Variants in C8orf34 observed in about 807,000 individuals in gnomAD.
C8orf34 encodes the protein uncharacterized protein C8orf34.
Under a neutral mutation model 68.3 loss-of-function variants are expected in C8orf34, and 65 were observed. The observed-to-expected ratio is 0.95, with a 90% confidence interval of 0.78 to 1.17. The LOEUF (loss-of-function observed/expected upper bound fraction) is 1.17, where lower values mean the gene tolerates loss of function less well. Ranked by LOEUF, C8orf34 falls within the 50% of genes most tolerant of loss-of-function variation. The pLI is 0.00. For synonymous variants in C8orf34, 244 were observed against 241.2 expected, an observed-to-expected ratio of 1.01 and a Z score of -0.11; for missense variants, 664 against 655.4, an observed-to-expected ratio of 1.01 and a Z score of -0.14.
chr8:68,544,477 C>A (rs960117728), intron 7 of C8orf34, among the ~76,000 whole-genome samples: 4 of 152,092 alleles, frequency 2.6e-5, no homozygotes, highest in Admixed American at 1.3e-4. Context: ...TAATTCCTGA[C>A]AGAACAAAAC....
intron 7 of C8orf34, among the ~76,000 whole-genome samples, chr8:68,571,085 A>G (rs1223453664): frequency 6.6e-6 from 1 of 152,154 alleles, no homozygotes; most frequent in Non-Finnish European, 1.5e-5. Flanking sequence ...GGAGGAGAGT[A>G]GGACCCTGGA....
chr8:68,399,805 A>C (rs933657898), intron 1 of C8orf34, among the ~76,000 whole-genome samples: 3 of 152,154 alleles, frequency 2.0e-5, no homozygotes, highest in African/African-American at 7.2e-5. Flanking sequence ...TTTTCTCTGC[A>C]TCCTCACCAA....
intron 1 of C8orf34, among the ~76,000 whole-genome samples, chr8:68,424,651 A>G (rs1042612247): frequency 1.3e-5 from 2 of 152,228 alleles, no homozygotes; most frequent in African/African-American, 2.4e-5. Context: ...CTGTAATCCC[A>G]GCACTCTGGG....
intron 10 of C8orf34, among the ~76,000 whole-genome samples, chr8:68,768,305 C>T (rs1823239244): frequency 6.6e-6 from 1 of 152,136 alleles, no homozygotes; most frequent in Non-Finnish European, 1.5e-5. Context: ...ATGGAATCAG[C>T]CGTGTTTTGA....
chr8:68,463,884 G>A (rs1487080622), intron 3 of C8orf34, among the ~76,000 whole-genome samples: 1 of 152,160 alleles, frequency 6.6e-6, no homozygotes, highest in Non-Finnish European at 1.5e-5. Context: ...ACTGGCACAA[G>A]ACAGGGATGC....
rs570678941 is a variant in C8orf34 at position 68,721,467 on chromosome 8, A to C, written c.1404+30A>C. 13 of 1,417,122 alleles carry C rather than the reference A, an allele frequency of 9.2e-6. No individual in the cohort carries two copies. In the South Asian group the frequency reaches 1.6e-4, roughly 17 times the overall value. 87.8% of individuals were successfully genotyped at this position (1,417,122 alleles called of 1,614,324 possible). A position where few individuals can be genotyped will look rare whatever the true frequency, so the allele number is the denominator to read the frequency against. On this transcript the variant is annotated intron_variant, in intron 10 of 13. Coordinates refer to ENST00000518698, the MANE Select transcript of C8orf34 (RefSeq NM_052958.4). The stretch of plus-strand genomic sequence containing the variant: ...GTATATTCATTGACTTATTTTTTTT[A>C]ATTGCTAAAACTAATTTAAATTACT...
At chr8:68,545,641 T>G (rs1330391294) in intron 7 of C8orf34, among the ~76,000 whole-genome samples, 2 of 152,092 alleles carry the variant, frequency 1.3e-5, no homozygotes, top group Non-Finnish European at 2.9e-5. Context: ...AGTAAAAATA[T>G]TGTTCAAAAT....
At chr8:68,816,583 C>A (rs1824826359) in intron 13 of C8orf34, among the ~76,000 whole-genome samples, 1 of 152,154 alleles carries the variant, frequency 6.6e-6, no homozygotes, top group Non-Finnish European at 1.5e-5. Context: ...AATACCCCTA[C>A]CAAATGGTCA....
intron 12 of C8orf34, among the ~76,000 whole-genome samples, chr8:68,813,561 T>C (rs1223141644): frequency 6.6e-6 from 1 of 152,146 alleles, no homozygotes; most frequent in Non-Finnish European, 1.5e-5. Context: ...TACATGCTTT[T>C]TTTTTGGTCT....
At chr8:68,781,131 A>C (rs1322982962) in intron 11 of C8orf34, among the ~76,000 whole-genome samples, 1 of 152,232 alleles carries the variant, frequency 6.6e-6, no homozygotes, top group Non-Finnish European at 1.5e-5. Flanking sequence ...ATTCAGAATT[A>C]AAACAGCCAA....
intron 10 of C8orf34, among the ~76,000 whole-genome samples, chr8:68,727,789 A>AGGTG (rs1450385110): frequency 7.9e-5 from 12 of 152,184 alleles, no homozygotes; most frequent in African/African-American, 2.9e-4. Context: ...TGGCTGGAGC[A>AGGTG]GGTGGGACAC....
intron 10 of C8orf34, among the ~76,000 whole-genome samples, chr8:68,774,468 T>C (rs1234106014): frequency 6.6e-6 from 1 of 152,040 alleles, no homozygotes; most frequent in Non-Finnish European, 1.5e-5. Context: ...CCCAGTAGTT[T>C]ATGCTTTAAG....
chr8:68,794,962 T>C (rs1563674281), intron 12 of C8orf34, among the ~76,000 whole-genome samples: 1 of 152,206 alleles, frequency 6.6e-6, no homozygotes, highest in Non-Finnish European at 1.5e-5. Context: ...TCTGTATATG[T>C]ATATTCATAT....
chr8:68,786,860 C>T (rs1347615389), intron 11 of C8orf34, among the ~76,000 whole-genome samples: 3 of 152,098 alleles, frequency 2.0e-5, no homozygotes, highest in Non-Finnish European at 4.4e-5. Flanking sequence ...GATACATGAT[C>T]CTGGAAAACT....
chr8:68,492,960 C>A (rs1324239930), intron 5 of C8orf34, among the ~76,000 whole-genome samples: 3 of 152,194 alleles, frequency 2.0e-5, no homozygotes, highest in Admixed American at 2.0e-4. Flanking sequence ...CTTCCAGATG[C>A]TGAAATTTAG....
intron 8 of C8orf34, among the ~76,000 whole-genome samples, chr8:68,668,553 C>G (rs1487466024): frequency 6.6e-6 from 1 of 152,090 alleles, no homozygotes; most frequent in Non-Finnish European, 1.5e-5. Flanking sequence ...TGCCAAGTAA[C>G]TATCTGGTGG....
intron 9 of C8orf34, among the ~76,000 whole-genome samples, chr8:68,714,109 C>T (rs946056529): frequency 6.6e-6 from 1 of 152,150 alleles, no homozygotes; most frequent in East Asian, 1.9e-4. Flanking sequence ...CATTAAAACC[C>T]TCAGCAAAAT....
intron 8 of C8orf34, among the ~76,000 whole-genome samples, chr8:68,675,020 T>C (rs1820138691): frequency 6.6e-6 from 1 of 152,020 alleles, no homozygotes; most frequent in African/African-American, 2.4e-5. Context: ...AGTGCTGAAG[T>C]GAAAACTTTT....
intron 5 of C8orf34, among the ~76,000 whole-genome samples, chr8:68,519,466 A>G (rs560553241): frequency 1.4e-4 from 21 of 152,372 alleles, no homozygotes; most frequent in Non-Finnish European, 8.8e-5. Flanking sequence ...CCTGCAAAGC[A>G]GAGCCAGTTG....
Sources: gnomAD v4.1 joint callset for allele counts (sites outside exome capture counted in the v4.1 genomes callset) on GRCh38, gnomAD v4.1.1 for gene constraint, MANE v1.5 for transcripts, NCBI Gene and HGNC (gene_info 2026-07-23, HGNC 2026-07-21) for gene names.